AIG1: variants seen among roughly 807,000 people sequenced by gnomAD.
AIG1 encodes androgen-induced gene 1 protein.
Under a neutral mutation model 31.4 loss-of-function variants are expected in AIG1, and 23 were observed. The observed-to-expected ratio is 0.73, with a 90% CI of 0.53 to 1.04. The LOEUF (loss-of-function observed/expected upper bound fraction) is 1.04. Among genes scored for constraint, AIG1 ranks in the 50% least tolerant of loss-of-function variants. The pLI is 0.00. For missense variants in AIG1, 274 were observed against 295.0 expected, an observed-to-expected ratio of 0.93 and a Z score of 0.52; for synonymous variants, 100 against 110.5, an observed-to-expected ratio of 0.90 and a Z score of 0.60.
chr6:143,222,794 G>A (rs1284287160), intron 3 of AIG1, among the ~76,000 whole-genome samples: 1 of 152,100 alleles, frequency 6.6e-6, no homozygotes, highest in African/African-American at 2.4e-5. Context: ...AGATCAAGTG[G>A]TTGGTATTTC....
At chr6:143,232,744 A>C (rs80074137) in intron 3 of AIG1, among the ~76,000 whole-genome samples, 5,057 of 152,270 alleles carry the variant, frequency 0.033, 109 homozygotes, top group Non-Finnish European at 0.048. Context: ...TTTTCTCCCC[A>C]AAATTGCCTA....
intron 3 of AIG1, chr6:143,188,588 G>C (rs1008975848): frequency 1.0e-6 from 1 of 985,174 alleles, no homozygotes; most frequent in African/African-American, 1.7e-5. Flanking sequence ...CAGGGTACAA[G>C]TCATCTATTC....
In AIG1 at chr6:143,193,726, C is replaced by T. The variant is rs182909154; in HGVS notation, c.399+28543C>T. ...CTTGTATTTTCTTCTGTTTACCACT[C>T]ATAAATGGAATGTGAAGGACAATGA... is the stretch of plus-strand genomic sequence containing the variant. On this transcript the variant is annotated intron_variant, in intron 3 of 5. Coordinates refer to ENST00000357847, the MANE Select transcript of AIG1 (RefSeq NM_016108.4). Among the ~76,000 whole-genome samples, 4 of 152,316 alleles carry T rather than the reference C, an allele frequency of 2.6e-5. No individual in the cohort carries two copies. The East Asian group carries it at 7.7e-4, about 29-fold the overall frequency.
chr6:143,186,888 G>C (rs1274289305), intron 3 of AIG1: 2 of 161,970 alleles, frequency 1.2e-5, no homozygotes, highest in African/African-American at 4.8e-5. Context: ...CATAGGAAAC[G>C]TGGAGCTTGT....
At chr6:143,138,109 G>T (rs1332086650) in intron 2 of AIG1, among the ~76,000 whole-genome samples, 1 of 152,124 alleles carries the variant, frequency 6.6e-6, no homozygotes, top group Non-Finnish European at 1.5e-5. Context: ...GAAATAAATA[G>T]CCCTTAACCC....
chr6:143,262,924 C>T (rs534424573), intron 3 of AIG1, among the ~76,000 whole-genome samples: 16 of 152,070 alleles, frequency 1.1e-4, no homozygotes, highest in Non-Finnish European at 2.1e-4. Context: ...TACATTCCTC[C>T]TCAAATAAAT....
At chr6:143,207,519 TACACAC>T (rs10537250) in intron 3 of AIG1, among the ~76,000 whole-genome samples, 5 of 149,174 alleles carry the variant, frequency 3.4e-5, no homozygotes, top group Non-Finnish European at 6.0e-5. Flanking sequence ...ACCATTACAA[TACACAC>T]ACACACACAC....
chr6:143,312,612 G>T (rs982967444), intron 4 of AIG1, among the ~76,000 whole-genome samples: 1 of 151,928 alleles, frequency 6.6e-6, no homozygotes, highest in Non-Finnish European at 1.5e-5. Context: ...ACCACTATAA[G>T]AAACATTGGG....
In AIG1 at chr6:143,159,790, C is replaced by T. The variant is rs1363766762; in HGVS notation, c.298-5292C>T. 3.3e-5 allele frequency among the ~76,000 whole-genome samples: 5 copies of T among 152,316 alleles called. No individual in the cohort carries two copies. In the East Asian group the frequency reaches 9.7e-4, roughly 29 times the overall value. ...AGGGCTGTGCTGAAGGAGACATTCACTCTTTGCATGGGGGCCATCAGAGAC... is the reference window on the plus strand; with the variant it reads ...AGGGCTGTGCTGAAGGAGACATTCATTCTTTGCATGGGGGCCATCAGAGAC... On this transcript the variant is annotated intron_variant, in intron 2 of 5. Coordinates refer to ENST00000357847, the MANE Select transcript of AIG1 (RefSeq NM_016108.4).
At position 143,061,050 on chromosome 6, in the gene AIG1, T is replaced by A. The variant is rs763138102; in HGVS notation, c.125T>A (p.Leu42Gln). Reference sequence around the variant, plus strand: ...ACCTACGGAGGGAGCTGGAAATTCCTGACGTTCATTGATCTGGTAAGGCCG... The same window carrying A: ...ACCTACGGAGGGAGCTGGAAATTCCAGACGTTCATTGATCTGGTAAGGCCG... ...HQTYGGSWKFLTFIDLVIQAV... is the reference protein window; with the variant it reads ...HQTYGGSWKFQTFIDLVIQAV... The change falls in exon 1 of 6, where the codon CTG becomes CAG. Residue 42 changes from leucine to glutamine, a missense_variant. By Grantham distance (113) the Leu-to-Gln change is moderately radical. Around this residue, in one of 2 missense-constraint regions of AIG1, gnomAD observed 243 missense variants for 238.5 expected, o/e 1.02. Transcript: ENST00000357847. 3 of 1,613,098 alleles carry A rather than the reference T, an allele frequency of 1.9e-6. No homozygotes were observed. The highest frequency in any genetic ancestry group is 1.3e-5 in the African/African-American group (1 of 74,840).
chr6:143,188,366 C>T (rs760931030), intron 3 of AIG1: 10 of 985,306 alleles, frequency 1.0e-5, no homozygotes, highest in African/African-American at 1.7e-5. Flanking sequence ...TGCATAATGT[C>T]GCCTGATTGC....
intron 1 of AIG1, among the ~76,000 whole-genome samples, chr6:143,085,976 A>T (rs1778742880): frequency 6.6e-6 from 1 of 152,226 alleles, no homozygotes; most frequent in South Asian, 2.1e-4. Context: ...ATAGCCCCAT[A>T]CTTTAAGATT....
chr6:143,079,774 G>C (rs1292871605), intron 1 of AIG1, among the ~76,000 whole-genome samples: 1 of 138,894 alleles, frequency 7.2e-6, no homozygotes, highest in East Asian at 2.3e-4. Context: ...TCTTAGGATA[G>C]ATTCCTTTTT....
chr6:143,336,941 T>C (rs576572301), intron 5 of AIG1, among the ~76,000 whole-genome samples: 1 of 152,250 alleles, frequency 6.6e-6, no homozygotes, highest in East Asian at 1.9e-4. Flanking sequence ...AAAGAAAGAA[T>C]CATGGTTCCC....
At chr6:143,197,964 G>A (rs1790389380) in intron 3 of AIG1, among the ~76,000 whole-genome samples, 1 of 152,188 alleles carries the variant, frequency 6.6e-6, no homozygotes, top group Non-Finnish European at 1.5e-5. Flanking sequence ...AGTTGGTGTT[G>A]TATACCCCAG....
chr6:143,301,852 A>C (rs1798846473), intron 4 of AIG1, among the ~76,000 whole-genome samples: 1 of 152,222 alleles, frequency 6.6e-6, no homozygotes, highest in Non-Finnish European at 1.5e-5. Flanking sequence ...AATGAAAATA[A>C]ATAGAATATT....
At chr6:143,195,083 C>T (rs930286738) in intron 3 of AIG1, among the ~76,000 whole-genome samples, 3 of 152,060 alleles carry the variant, frequency 2.0e-5, no homozygotes, top group African/African-American at 7.2e-5. Context: ...AAAGAACAGC[C>T]AATAAAAGAG....
At chr6:143,124,008 TAAA>T (rs1183075961) in intron 1 of AIG1, among the ~76,000 whole-genome samples, 1 of 152,244 alleles carries the variant, frequency 6.6e-6, no homozygotes. Context: ...CTGAATAATT[TAAA>T]AGCAAATGTT....
intron 2 of AIG1, among the ~76,000 whole-genome samples, chr6:143,150,747 C>A (rs146304840): frequency 4.1e-3 from 625 of 152,236 alleles, no homozygotes; most frequent in Non-Finnish European, 6.4e-3. Context: ...AAAAAAATCA[C>A]CCACATGAAG....
Sources: allele counts gnomAD v4.1 joint callset (sites outside exome capture counted in the v4.1 genomes callset), GRCh38; gene constraint gnomAD v4.1.1; regional missense constraint gnomAD v4.1.1; transcripts MANE v1.5; gene names NCBI Gene and HGNC (gene_info 2026-07-23, HGNC 2026-07-21).